CA12: variants seen among roughly 807,000 people sequenced by gnomAD.
The protein encoded by CA12 is carbonic anhydrase 12.
In CA12, 36 loss-of-function variants were observed where a neutral mutation model predicts 46.8. The observed-to-expected ratio is 0.77, with a 90% CI of 0.59 to 1.02. CA12 has a LOEUF of 1.02. CA12 is among the 50% of genes least tolerant of loss of function. CA12 has a pLI of 0.00. For synonymous variants in CA12, 202 were observed against 187.0 expected, an observed-to-expected ratio of 1.08 and a Z score of -0.65; for missense variants, 436 against 451.4, an observed-to-expected ratio of 0.97 and a Z score of 0.31.
intron 2 of CA12, among the ~76,000 whole-genome samples, chr15:63,351,760 C>T (rs2039235281): frequency 6.6e-6 from 1 of 152,354 alleles, no homozygotes; most frequent in South Asian, 2.1e-4. Context: ...GGCCAGCCTA[C>T]TCGGGTTGTG....
intron 2 of CA12, chr15:63,375,395 T>A (rs533115680): frequency 2.5e-6 from 1 of 396,646 alleles, no homozygotes; most frequent in Non-Finnish European, 4.6e-6. Context: ...TTGGTAGAAA[T>A]CCTTGCAGGA....
At chr15:63,335,280 G>A (rs1242789764) in intron 8 of CA12, among the ~76,000 whole-genome samples, 2 of 152,122 alleles carry the variant, frequency 1.3e-5, no homozygotes, top group East Asian at 3.8e-4. Flanking sequence ...AGGCTAAGGT[G>A]TAGCTGGACT....
Position 63,341,926 on chromosome 15 carries a change from G to C in CA12, c.525+76C>G. Reference sequence around the variant, plus strand: ...GGAACAGCTGATTATCAACAGGTATGCATGGAACAAAAGGTGGAATCCCAA... The same window carrying C: ...GGAACAGCTGATTATCAACAGGTATCCATGGAACAAAAGGTGGAATCCCAA... On this transcript the variant is annotated intron_variant, in intron 5 of 10. Transcript: ENST00000178638. The surrounding 1 kb of genome is among the most constrained non-coding windows in gnomAD (Gnocchi z 5.2). 1 of 973,720 alleles carries C rather than the reference G, an allele frequency of 1.0e-6. No individual in the cohort carries two copies. Among genetic ancestry groups the C allele is most frequent in the East Asian group, 2.5e-5 (1 of 40,360 alleles). 60.3% of individuals were successfully genotyped at this position (973,720 alleles called of 1,614,324 possible).
intron 2 of CA12, among the ~76,000 whole-genome samples, chr15:63,352,379 A>T (rs2039243895): frequency 6.6e-6 from 1 of 152,180 alleles, no homozygotes. Context: ...TTTTATGAAG[A>T]GGCTTGAGCA....
intron 2 of CA12, among the ~76,000 whole-genome samples, chr15:63,370,327 C>T (rs765683213): frequency 2.0e-5 from 3 of 151,116 alleles, no homozygotes; most frequent in Non-Finnish European, 2.9e-5. Flanking sequence ...TGGTGGCATA[C>T]GTCCTAGCTA....
At chr15:63,356,484 C>T (rs1010469849) in intron 2 of CA12, among the ~76,000 whole-genome samples, 1 of 151,062 alleles carries the variant, frequency 6.6e-6, no homozygotes, top group African/African-American at 2.4e-5. Flanking sequence ...TTTGGCGGTG[C>T]CTTAAAACGT....
chr15:63,376,563 T>TTTC (rs1257054220), intron 1 of CA12, among the ~76,000 whole-genome samples: 2 of 106,460 alleles, frequency 1.9e-5, no homozygotes, highest in Non-Finnish European at 4.0e-5. Context: ...CTTTCCTTTC[T>TTTC]TTCTTTCTTT....
rs1303064959 is a variant in CA12 at position 63,373,129 on chromosome 15, C to G, written c.106+2529G>C. 6.6e-6 allele frequency among the ~76,000 whole-genome samples: 1 copy of G among 152,164 alleles called. No individual in the cohort carries two copies. Among genetic ancestry groups the G allele is most frequent in the Non-Finnish European group, 1.5e-5 (1 of 68,036 alleles). On this transcript the variant is annotated intron_variant, in intron 2 of 10. Coordinates refer to ENST00000178638, the MANE Select transcript of CA12 (RefSeq NM_001218.5). This position sits in a 1 kb window ranked among gnomAD's most constrained non-coding sequence, Gnocchi z 4.9. ...CCTGTAATCCCAACACTTTGAGAGG[C>G]CGAGGTGGGCAGAACACTTGAGATC...
At chr15:63,352,113 T>C (rs1433664071) in intron 2 of CA12, among the ~76,000 whole-genome samples, 1 of 152,224 alleles carries the variant, frequency 6.6e-6, no homozygotes, top group Non-Finnish European at 1.5e-5. Context: ...TGGAGTGCAG[T>C]GGTGCAATCT....
chr15:63,375,792 A>ATTGAAAC (rs2039562859), intron 1 of CA12, 114 bp from the exon 2 acceptor site: 2 of 738,742 alleles, frequency 2.7e-6, no homozygotes, highest in African/African-American at 3.6e-5. Context: ...ATGCCCAGAA[A>ATTGAAAC]TTGAAACTTT....
intron 2 of CA12, among the ~76,000 whole-genome samples, chr15:63,371,576 G>A (rs774592053): frequency 2.6e-5 from 4 of 152,250 alleles, no homozygotes; most frequent in Non-Finnish European, 5.9e-5. Flanking sequence ...GCTGTGATAG[G>A]GGTTGGCGCA....
chr15:63,366,095 T>C (rs1021935768), intron 2 of CA12, among the ~76,000 whole-genome samples: 2 of 144,514 alleles, frequency 1.4e-5, no homozygotes, highest in Non-Finnish European at 3.0e-5. Context: ...GAACTGAGAT[T>C]GCACCCCTGC....
chr15:63,353,785 G>A (rs1038198858), intron 2 of CA12, among the ~76,000 whole-genome samples: 1 of 152,172 alleles, frequency 6.6e-6, no homozygotes, highest in Non-Finnish European at 1.5e-5. Context: ...GGGCTGAAAT[G>A]ATCCTCCTGC....
chr15:63,365,367 G>A (rs748981355), intron 2 of CA12, among the ~76,000 whole-genome samples: 1 of 152,204 alleles, frequency 6.6e-6, no homozygotes, highest in Non-Finnish European at 1.5e-5. Context: ...GGCATAAAAC[G>A]AGCATCCACC....
intron 1 of CA12, among the ~76,000 whole-genome samples, chr15:63,377,827 G>A (rs2039596278): frequency 6.6e-6 from 1 of 152,134 alleles, no homozygotes; most frequent in African/African-American, 2.4e-5. Context: ...ATCCCACCCT[G>A]GAAGAGAAGA....
At chr15:63,349,951 G>A (rs754908730) in intron 2 of CA12, among the ~76,000 whole-genome samples, 1 of 152,186 alleles carries the variant, frequency 6.6e-6, no homozygotes, top group Admixed American at 6.5e-5. Context: ...CAAAAAAGAG[G>A]AGGAAAAATG....
intron 2 of CA12, among the ~76,000 whole-genome samples, chr15:63,369,953 G>A (rs1259620595): frequency 6.6e-6 from 1 of 152,156 alleles, no homozygotes; most frequent in Non-Finnish European, 1.5e-5. Flanking sequence ...AAAGCCTCCA[G>A]GATACGCACA....
At chr15:63,360,407 T>C (rs1430690204) in intron 2 of CA12, among the ~76,000 whole-genome samples, 1 of 152,230 alleles carries the variant, frequency 6.6e-6, no homozygotes, top group Non-Finnish European at 1.5e-5. Context: ...AGGGAGATAT[T>C]GTCACTATCA....
chr15:63,366,462 T>C (rs1316087862), intron 2 of CA12, among the ~76,000 whole-genome samples: 1 of 152,226 alleles, frequency 6.6e-6, no homozygotes, highest in Non-Finnish European at 1.5e-5. Context: ...TCCTCTGTAC[T>C]GTAAGGCCCC....
Sources: gnomAD v4.1 joint callset for allele counts (sites outside exome capture counted in the v4.1 genomes callset) on GRCh38, gnomAD v4.1.1 for gene constraint, Gnocchi (gnomAD v3.1) non-coding constraint, MANE v1.5 for transcripts, NCBI Gene and HGNC (gene_info 2026-07-23, HGNC 2026-07-21) for gene names.